Variants in CHST15 observed in about 807,000 individuals in gnomAD.
CHST15 encodes carbohydrate sulfotransferase 15.
A neutral mutation model predicts 53.6 loss-of-function variants in CHST15; 30 were observed. The ratio of observed to expected loss-of-function variants is 0.56; its 90% CI spans 0.42 to 0.76. The LOEUF (loss-of-function observed/expected upper bound fraction) is 0.76, where lower values mean the gene tolerates loss of function less well. Ranked by LOEUF, CHST15 falls within the 30% of genes least tolerant of loss-of-function variation. The pLI, the probability that CHST15 is intolerant of heterozygous loss-of-function variation, is 0.00. For missense variants in CHST15, 627 were observed against 740.5 expected, an observed-to-expected ratio of 0.85 and a Z score of 1.78; for synonymous variants, 296 against 289.8, an observed-to-expected ratio of 1.02 and a Z score of -0.22.
chr10:124,086,963 G>A (rs1341845956), intron 1 of CHST15, among the ~76,000 whole-genome samples: 4 of 152,100 alleles, frequency 2.6e-5, no homozygotes, highest in South Asian at 2.1e-4. Context: ...GTGCCTATGC[G>A]ATCTAACACC....
intron 1 of CHST15, among the ~76,000 whole-genome samples, chr10:124,059,155 T>C (rs971900535): frequency 5.3e-5 from 8 of 152,216 alleles, no homozygotes; most frequent in African/African-American, 1.9e-4. Context: ...CCTCATTCTC[T>C]TCATCTCAAA....
At chr10:124,026,012 T>C (rs1264243530) in intron 5 of CHST15, among the ~76,000 whole-genome samples, 1 of 152,218 alleles carries the variant, frequency 6.6e-6, no homozygotes, top group Non-Finnish European at 1.5e-5. Context: ...GGTGATTTAT[T>C]ATGACTGCCC....
At chr10:124,065,326 G>A (rs1166373978) in intron 1 of CHST15, among the ~76,000 whole-genome samples, 1 of 152,178 alleles carries the variant, frequency 6.6e-6, no homozygotes, top group East Asian at 1.9e-4. Flanking sequence ...AGGCTGCAGT[G>A]AGCCATGATC....
intron 1 of CHST15, among the ~76,000 whole-genome samples, chr10:124,087,678 C>G (rs1240353160): frequency 6.6e-6 from 1 of 152,226 alleles, no homozygotes; most frequent in Non-Finnish European, 1.5e-5. Context: ...AAATAGGCAT[C>G]AGGGAGAGCC....
intron 6 of CHST15, among the ~76,000 whole-genome samples, chr10:124,013,439 G>A (rs1341478091): frequency 6.6e-6 from 1 of 152,234 alleles, no homozygotes; most frequent in African/African-American, 2.4e-5. Flanking sequence ...TCCACAGGGA[G>A]AGGAGGACTC....
At chr10:124,026,082 T>C (rs1946994790) in intron 5 of CHST15, among the ~76,000 whole-genome samples, 1 of 152,212 alleles carries the variant, frequency 6.6e-6, no homozygotes, top group African/African-American at 2.4e-5. Context: ...TCCAAGGAGT[T>C]ATTTTTGCCA....
intron 1 of CHST15, among the ~76,000 whole-genome samples, chr10:124,058,545 C>T (rs907203589): frequency 3.3e-5 from 5 of 152,208 alleles, no homozygotes; most frequent in Admixed American, 6.5e-5. Context: ...CTGCAGCAGG[C>T]GAACGAAGCT....
rs1258948388 is a variant in CHST15, at chr10:124,009,243, G to A, written c.*906C>T. 1.3e-5 allele frequency: 14 copies of A among 1,095,504 alleles called. No homozygotes were observed. Among genetic ancestry groups the A allele is most frequent in the Non-Finnish European group, 1.6e-5 (14 of 888,828 alleles). 67.9% of individuals were successfully genotyped at this position (1,095,504 alleles called of 1,614,324 possible). A position where few individuals can be genotyped will look rare whatever the true frequency, so the allele number is the denominator to read the frequency against. Reference sequence around the variant, plus strand: ...TTCCAAGAAGTGTTCAATTCCTTGAGGTTGCTCATTCTGGCATTAACAGCA... The same window carrying A: ...TTCCAAGAAGTGTTCAATTCCTTGAAGTTGCTCATTCTGGCATTAACAGCA... On this transcript the variant is annotated 3_prime_UTR_variant, in exon 8 of 8. Coordinates refer to ENST00000435907, the MANE Select transcript of CHST15 (RefSeq NM_001270764.2).
intron 1 of CHST15, among the ~76,000 whole-genome samples, chr10:124,055,207 C>T (rs1358145270): frequency 1.3e-5 from 2 of 152,202 alleles, no homozygotes; most frequent in African/African-American, 2.4e-5. Flanking sequence ...AAACATCTTG[C>T]TTTGGCCACT....
intron 1 of CHST15, among the ~76,000 whole-genome samples, chr10:124,056,167 C>T (rs896753155): frequency 1.1e-4 from 16 of 152,350 alleles, no homozygotes; most frequent in African/African-American, 3.8e-4. Flanking sequence ...CTCTACCCCA[C>T]CACCCAGGCC....
Position 124,011,149 on chromosome 10 carries a change from A to G in CHST15, c.1496-810T>C, listed in dbSNP as rs935477241. ...ACAGAACAGCAAGGGCTGCGACCCC[A>G]ACGCCCCGCCCTCTGGGCCACAGCT... On this transcript the variant is annotated intron_variant, in intron 7 of 7. Coordinates refer to ENST00000435907, the MANE Select transcript of CHST15 (RefSeq NM_001270764.2). 7 of 901,714 alleles carry G rather than the reference A, an allele frequency of 7.8e-6. No individual in the cohort carries two copies. In the African/African-American group the frequency reaches 1.3e-4, roughly 16 times the overall value. The allele number at this position is 901,714 out of a possible 1,614,324, so 55.9% of individuals were successfully genotyped here.
At position 124,044,900 on chromosome 10, in the gene CHST15, T is replaced by C. The variant is rs1291830853; in HGVS notation, c.566A>G (p.Asn189Ser). Residue 189 changes from asparagine to serine, a missense_variant, in exon 3 of 8, where the codon AAC becomes AGC. Physicochemically the swap from Asn to Ser is conservative, Grantham distance 46. This residue lies in a region of CHST15 where 187 missense variants were observed against 251.8 expected (regional missense o/e 0.74). Transcript: ENST00000435907. ...QELHMFSVIP[N>S]KFLPNSKSPC... ...GCTCTTACTGTTTGGAAGGAATTTG[T>C]TGGGGATGACTGAAAACATCTGCAA... 27 of 1,444,884 alleles carry C rather than the reference T, an allele frequency of 1.9e-5. No individual in the cohort carries two copies. The highest frequency in any genetic ancestry group is 5.9e-5 in the African/African-American group (4 of 68,240). The allele number at this position is 1,444,884 out of a possible 1,614,324, so 89.5% of individuals were successfully genotyped here.
At chr10:124,076,389 A>C (rs1239173214) in intron 1 of CHST15, among the ~76,000 whole-genome samples, 3 of 152,212 alleles carry the variant, frequency 2.0e-5, no homozygotes, top group Non-Finnish European at 2.9e-5. Flanking sequence ...AAGTCACATG[A>C]AATTTCCCCA....
Position 124,045,688 on chromosome 10 carries a change from G to T in CHST15, c.525C>A (p.Asp175Glu), listed in dbSNP as rs777481863. The T allele has an allele frequency of 6.2e-7, 1 of 1,603,516 alleles. No individual in the cohort carries two copies. Among genetic ancestry groups the T allele is most frequent in the Non-Finnish European group, 8.5e-7 (1 of 1,174,166 alleles). ...FTTRQLPDLE[D>E]LKKQELHMFS... ...TCACATGCAACTCCTGCTTCTTAAGGTCTTCTAAGTCTGGGAGCTGTCTGG... is the reference window on the plus strand; with the variant it reads ...TCACATGCAACTCCTGCTTCTTAAGTTCTTCTAAGTCTGGGAGCTGTCTGG... The change falls in exon 2 of 8, where the codon GAC becomes GAA. Residue 175 changes from aspartate (D) to glutamate (E), a missense_variant. By Grantham distance (45) the Asp-to-Glu change is conservative. This residue lies in a region of CHST15 where 187 missense variants were observed against 251.8 expected (regional missense o/e 0.74). Coordinates refer to ENST00000435907, the MANE Select transcript of CHST15 (RefSeq NM_001270764.2).
At position 124,021,397 on chromosome 10, in the gene CHST15, A is replaced by G. The variant is rs1946783930; in HGVS notation, c.1206T>C (p.Tyr402=). 1 of 1,613,408 alleles carries G rather than the reference A, an allele frequency of 6.2e-7. No homozygotes were observed. Residue 402 remains tyrosine (Y), a synonymous_variant, in exon 6 of 8, where the codon TAT becomes TAC. Transcript: ENST00000435907. ...ATTTATTCGAACTTGCAAAGTAGAGATAGTCTGAGTACAACCTGTGAATAA... is the reference window on the plus strand; with the variant it reads ...ATTTATTCGAACTTGCAAAGTAGAGGTAGTCTGAGTACAACCTGTGAATAA... ...RDPVERLYSD[Y]LYFASSNKSA...
rs868059749 is a variant in CHST15 at position 124,034,732 on chromosome 10, A to G, written c.1190+3783T>C. Among the ~76,000 whole-genome samples, 296 of 125,962 alleles carry G rather than the reference A, an allele frequency of 2.3e-3. 1 individual carries two copies. Among genetic ancestry groups the G allele is most frequent in the African/African-American group, 8.9e-3 (273 of 30,700 alleles). The allele number at this position is 125,962 out of a possible 152,430, so 82.6% of individuals were successfully genotyped here. The stretch of plus-strand genomic sequence containing the variant: ...AGGGACCCCGGCTCCACCCCCTAAC[A>G]GGGACCCCGGCTCCACCCCCTAACA... On this transcript the variant is annotated intron_variant, in intron 5 of 7. Transcript: ENST00000435907.
chr10:124,010,703 C>G, intron 7 of CHST15: 1 of 985,458 alleles, frequency 1.0e-6, no homozygotes, highest in Non-Finnish European at 1.2e-6. Context: ...TGCGGCCTGC[C>G]GAGCACAGCC....
intron 5 of CHST15, among the ~76,000 whole-genome samples, chr10:124,034,327 T>C (rs578148815): frequency 6.6e-6 from 1 of 152,262 alleles, no homozygotes; most frequent in South Asian, 2.1e-4. Context: ...TGCTGTGAAC[T>C]GTGAGCCTCC....
intron 1 of CHST15, among the ~76,000 whole-genome samples, chr10:124,047,308 T>C (rs778136957): frequency 9.9e-5 from 15 of 152,232 alleles, no homozygotes; most frequent in Non-Finnish European, 1.6e-4. Flanking sequence ...GAAATGAGTC[T>C]CTCCTTCAGT....
Sources: gnomAD v4.1 joint callset for allele counts (sites outside exome capture counted in the v4.1 genomes callset) on GRCh38, gnomAD v4.1.1 for gene constraint, gnomAD v4.1.1 regional missense constraint, MANE v1.5 for transcripts, NCBI Gene and HGNC (gene_info 2026-07-23, HGNC 2026-07-21) for gene names.